The following CAPN11 variants were observed in gnomAD, a reference collection of about 807,000 sequenced individuals.
CAPN11 encodes the protein calpain-11.
In CAPN11, 108 loss-of-function variants were observed where a neutral mutation model predicts 105.3. The ratio of observed to expected loss-of-function variants is 1.03; its 90% confidence interval spans 0.88 to 1.20. The LOEUF (loss-of-function observed/expected upper bound fraction) is 1.20. CAPN11 is among the 50% of genes most tolerant of loss of function. CAPN11 has a pLI of 0.00. For missense variants in CAPN11, 883 were observed against 924.8 expected, an observed-to-expected ratio of 0.95 and a Z score of 0.59; for synonymous variants, 329 against 344.5, an observed-to-expected ratio of 0.96 and a Z score of 0.50.
At position 44,177,244 on chromosome 6, in the gene CAPN11, A is replaced by T; in HGVS notation, c.1240A>T (p.Thr414Ser). ...SAGGCRNHPGTFWTNPQFKIS... is the reference protein window; with the variant it reads ...SAGGCRNHPGSFWTNPQFKIS... ...ACGCTGACCCACTTCCGCCACAGGC[A>T]CGTTCTGGACCAACCCCCAGTTTAA... The change falls in exon 12 of 23, where the codon ACG (threonine) becomes TCG (serine). Residue 414 changes from threonine (T) to serine (S), a missense_variant and splice_region_variant. By Grantham distance (58) the Thr-to-Ser change is moderately conservative (BLOSUM62 1). Transcript: ENST00000398776. 6.3e-7 allele frequency: 1 copy of T among 1,580,084 alleles called. No homozygotes were observed. Among genetic ancestry groups the T allele is most frequent in the Middle Eastern group, 1.7e-4 (1 of 5,948 alleles).
intron 4 of CAPN11, 93 bp from the exon 5 acceptor site, chr6:44,172,209 G>A (rs1052616788): frequency 1.7e-5 from 13 of 756,862 alleles, no homozygotes; most frequent in African/African-American, 7.1e-5. Flanking sequence ...GGGGTACAGG[G>A]TCAAGTTCCT....
rs752979547 is a variant in CAPN11, at chr6:44,169,941, G to T, written c.375G>T (p.Gly125=). The change falls in exon 4 of 23, where the codon GGG becomes GGT. Residue 125 remains glycine, a synonymous_variant. Transcript: ENST00000398776. ...ACAACCCTCTATTCATCATGGATGG[G>T]ATTTCTCCAACAGACATCTGCCAGG... ...IINNPLFIMD[G]ISPTDICQGI... is the part of the protein sequence containing the mutation. 3 of 1,612,432 alleles carry T rather than the reference G, an allele frequency of 1.9e-6. No homozygotes were observed. Among genetic ancestry groups the T allele is most frequent in the Non-Finnish European group, 2.5e-6 (3 of 1,179,232 alleles).
chr6:44,163,371 A>G (rs569670739), intron 1 of CAPN11, among the ~76,000 whole-genome samples: 1 of 152,262 alleles, frequency 6.6e-6, no homozygotes, highest in Non-Finnish European at 1.5e-5. Flanking sequence ...ACCACACACA[A>G]GTTGCAGTAC....
chr6:44,173,442 A>T, intron 7 of CAPN11, 56 bp downstream of exon 7: 1 of 1,171,956 alleles, frequency 8.5e-7, no homozygotes, highest in South Asian at 1.3e-5. Context: ...GCTGTCACCC[A>T]AAAGGCTCTT....
intron 21 of CAPN11, 134 bp from the exon 22 acceptor site, chr6:44,183,571 C>A: frequency 2.4e-6 from 2 of 821,664 alleles, no homozygotes; most frequent in Admixed American, 2.0e-5. Flanking sequence ...ATTAATTCCC[C>A]ACTTGGCTAG....
At position 44,181,006 on chromosome 6, in the gene CAPN11, C is replaced by T. The variant is rs769899582; in HGVS notation, c.1869+9C>T. The T allele has an allele frequency of 6.2e-7, 1 of 1,610,946 alleles. No homozygotes were observed. Among genetic ancestry groups the T allele is most frequent in the South Asian group, 1.1e-5 (1 of 91,030 alleles). On this transcript the variant is annotated intron_variant, in intron 18 of 22. Coordinates refer to ENST00000398776, the MANE Select transcript of CAPN11 (RefSeq NM_007058.4). The stretch of plus-strand genomic sequence containing the variant: ...TGATCAACCTCATGGATGTATCCTC[C>T]TGTCCAGTGCTCTCTTGGCCCTGTC...
chr6:44,170,046 T>G, intron 4 of CAPN11, 71 bp downstream of exon 4: 1 of 1,237,096 alleles, frequency 8.1e-7, no homozygotes, highest in Non-Finnish European at 1.2e-6. Context: ...GGGTGTCTTT[T>G]GAAGCTGGGA....
chr6:44,170,532 G>A (rs1770804042), intron 4 of CAPN11, among the ~76,000 whole-genome samples: 1 of 152,154 alleles, frequency 6.6e-6, no homozygotes, highest in Non-Finnish European at 1.5e-5. Context: ...CACGCAACGT[G>A]GTAGCTTGCT....
At chr6:44,165,545 T>C (rs1722536276) in intron 1 of CAPN11, among the ~76,000 whole-genome samples, 1 of 152,038 alleles carries the variant, frequency 6.6e-6, no homozygotes, top group Non-Finnish European at 1.5e-5. Flanking sequence ...GAGGGTGCAG[T>C]AGACAATGCA....
intron 2 of CAPN11, chr6:44,168,977 C>A (rs1316288708): frequency 6.3e-6 from 3 of 473,978 alleles, no homozygotes; most frequent in Non-Finnish European, 1.3e-5. Context: ...GACTGGAGTG[C>A]CATCACATCT....
chr6:44,176,427 A>G (rs1772025456), intron 9 of CAPN11, 89 bp downstream of exon 9: 37 of 1,327,108 alleles, frequency 2.8e-5, no homozygotes, highest in Non-Finnish European at 3.9e-5. Context: ...TAGGAGAACA[A>G]CCTGTACAAC....
At chr6:44,168,802 G>T (rs565702954) in intron 2 of CAPN11, 2 of 284,920 alleles carry the variant, frequency 7.0e-6, no homozygotes, top group Non-Finnish European at 1.4e-5. Context: ...TGTATTTTTC[G>T]TAGGGACAGG....
intron 4 of CAPN11, among the ~76,000 whole-genome samples, chr6:44,172,060 T>A (rs989729322): frequency 6.6e-6 from 1 of 152,100 alleles, no homozygotes; most frequent in Admixed American, 6.5e-5. Context: ...AGCAAGACAC[T>A]GACTCAAAAA....
intron 12 of CAPN11, among the ~76,000 whole-genome samples, 156 bp from the exon 13 acceptor site, chr6:44,179,463 C>T (rs548362921): frequency 8.5e-5 from 13 of 152,050 alleles, no homozygotes; most frequent in South Asian, 4.1e-4. Flanking sequence ...TGTCAGAGCC[C>T]GTGCCCCACT....
intron 12 of CAPN11, among the ~76,000 whole-genome samples, chr6:44,178,570 TCTTA>T (rs1772541838): frequency 6.6e-6 from 1 of 151,898 alleles, no homozygotes; most frequent in Admixed American, 6.6e-5. Context: ...CTTGCCCTAC[TCTTA>T]GGGCCATTAG....
Position 44,181,660 on chromosome 6 carries a change from ACT to A in CAPN11, c.1938+342_1938+343del, listed in dbSNP as rs1287513484. ...TCACATACAGACACAACCACACCAC[ACT>A]CACACACACATACTCACATACAGAC... On this transcript the variant is annotated intron_variant, in intron 19 of 22. Coordinates refer to ENST00000398776, the MANE Select transcript of CAPN11 (RefSeq NM_007058.4). 9.1e-5 allele frequency among the ~76,000 whole-genome samples: 3 copies of A among 32,792 alleles called. 1 individual carries two copies. Among genetic ancestry groups the A allele is most frequent in the Admixed American group, 2.5e-4 (1 of 3,954 alleles). The allele number at this position is 32,792 out of a possible 152,430, so 21.5% of individuals were successfully genotyped here.
At chr6:44,161,586 C>T (rs975458189) in intron 1 of CAPN11, among the ~76,000 whole-genome samples, 4 of 152,102 alleles carry the variant, frequency 2.6e-5, no homozygotes, top group Non-Finnish European at 5.9e-5. Flanking sequence ...GACCTCACAC[C>T]CTGGGGACTG....
At chr6:44,160,064 G>A (rs996560328) in intron 1 of CAPN11, among the ~76,000 whole-genome samples, 3 of 151,968 alleles carry the variant, frequency 2.0e-5, no homozygotes, top group Non-Finnish European at 4.4e-5. Context: ...AACCCAGCAA[G>A]TGGAGGTTGC....
chr6:44,175,549 G>A (rs1771827919), intron 7 of CAPN11, among the ~76,000 whole-genome samples: 2 of 152,010 alleles, frequency 1.3e-5, no homozygotes, highest in Admixed American at 6.6e-5. Context: ...GCCGAGGTGG[G>A]CGGATCACCT....
Sources: gnomAD v4.1 joint callset for allele counts (sites outside exome capture counted in the v4.1 genomes callset) on GRCh38, gnomAD v4.1.1 for gene constraint, MANE v1.5 for transcripts, NCBI Gene and HGNC (gene_info 2026-07-23, HGNC 2026-07-21) for gene names.